The following FGF14 variants were observed in gnomAD, a reference collection of about 807,000 sequenced individuals.
FGF14 encodes the protein fibroblast growth factor homologous factor 4.
FGF14 carries 5 observed loss-of-function variants against 25.5 expected under a neutral mutation model. The ratio of observed to expected loss-of-function variants is 0.20; its 90% CI spans 0.10 to 0.41. FGF14 has a LOEUF of 0.41. Among genes scored for constraint, FGF14 ranks in the 10% least tolerant of loss-of-function variants. The probability of loss-of-function intolerance (pLI) is 1.00; values close to 1 mark genes in which losing one functional copy is unlikely to be tolerated. For missense variants in FGF14, 222 were observed against 320.1 expected (o/e 0.69, Z 2.34); for synonymous variants, 138 against 118.3 (o/e 1.17, Z -1.08).
rs1331898671 is a variant in FGF14, at chr13:101,916,873, C to G, written c.-228G>C. ...CAGATGCGCCCAGGGCGCAGCCGGACGATCCCGGGAAGCCGGACGTCGTGG... is the reference window on the plus strand; with the variant it reads ...CAGATGCGCCCAGGGCGCAGCCGGAGGATCCCGGGAAGCCGGACGTCGTGG... On this transcript the variant is annotated 5_prime_UTR_variant, in exon 1 of 5. Coordinates refer to ENST00000376143, the MANE Select transcript of FGF14 (RefSeq NM_004115.4). 2.0e-5 allele frequency among the ~76,000 whole-genome samples: 3 copies of G among 152,114 alleles called. No homozygotes were observed. The highest frequency in any genetic ancestry group is 4.8e-5 in the African/African-American group (2 of 41,450).
At chr13:102,165,721 G>A (rs891554983) in intron 1 of FGF14, among the ~76,000 whole-genome samples, 1 of 148,516 alleles carries the variant, frequency 6.7e-6, no homozygotes, top group Non-Finnish European at 1.5e-5. Context: ...GCTAAATGAC[G>A]AGTTAATGGG....
At chr13:102,068,306 G>A (rs189021660) in intron 1 of FGF14, among the ~76,000 whole-genome samples, 142 of 152,334 alleles carry the variant, frequency 9.3e-4, no homozygotes, top group African/African-American at 3.1e-3. Flanking sequence ...AGGTGACAGC[G>A]TGCTGGCAGT....
chr13:102,146,884 G>T (rs140903297), intron 1 of FGF14, among the ~76,000 whole-genome samples: 3 of 152,168 alleles, frequency 2.0e-5, no homozygotes, highest in African/African-American at 7.2e-5. Context: ...AAAATAACAG[G>T]GCCCATGAGG....
At chr13:101,881,343 C>G (rs1455124477) in intron 1 of FGF14, among the ~76,000 whole-genome samples, 2 of 152,226 alleles carry the variant, frequency 1.3e-5, no homozygotes, top group Non-Finnish European at 2.9e-5. Flanking sequence ...GCTCTCATGG[C>G]CCACACAATC....
At chr13:102,318,637 T>C (rs2056125801) in intron 1 of FGF14, among the ~76,000 whole-genome samples, 1 of 152,170 alleles carries the variant, frequency 6.6e-6, no homozygotes, top group Non-Finnish European at 1.5e-5. Context: ...GTGTATAAAT[T>C]TCCCCTTTGT....
At chr13:102,164,710 G>A (rs1427142143) in intron 1 of FGF14, among the ~76,000 whole-genome samples, 2 of 152,170 alleles carry the variant, frequency 1.3e-5, no homozygotes, top group Non-Finnish European at 2.9e-5. Flanking sequence ...TGGTTCCTCA[G>A]TTTGACTAGT....
chr13:102,060,569 A>G (rs932496445), intron 1 of FGF14, among the ~76,000 whole-genome samples: 2 of 152,230 alleles, frequency 1.3e-5, no homozygotes, highest in African/African-American at 4.8e-5. Context: ...ACACAGTTAT[A>G]TCACTGCTTC....
intron 1 of FGF14, among the ~76,000 whole-genome samples, chr13:102,280,373 A>C (rs1192282262): frequency 6.6e-6 from 1 of 152,200 alleles, no homozygotes; most frequent in Non-Finnish European, 1.5e-5. Flanking sequence ...GTATGACCCA[A>C]GGAAATGTTT....
chr13:101,920,540 C>T (rs111481349), upstream of FGF14, among the ~76,000 whole-genome samples: 2,876 of 152,264 alleles, frequency 0.019, 48 homozygotes, highest in Non-Finnish European at 0.025. Flanking sequence ...ACATCTGGTG[C>T]ACCCTAATTG....
intron 1 of FGF14, among the ~76,000 whole-genome samples, chr13:102,090,752 A>G (rs910684391): frequency 6.6e-6 from 1 of 152,208 alleles, no homozygotes; most frequent in Admixed American, 6.5e-5. Context: ...CCATTCCAAA[A>G]AAAGATCAGT....
In FGF14 at chr13:101,803,685, G is replaced by C. The variant is rs1271795820; in HGVS notation, c.408+65040C>G. On this transcript the variant is annotated intron_variant, in intron 3 of 4. Transcript: ENST00000376143. ...ACTATATAGAACTTAGTAACAGATT[G>C]ACTATATGATCCTGTAGATGTGTCC... Among the ~76,000 whole-genome samples, 6 of 152,148 alleles carry C rather than the reference G, an allele frequency of 3.9e-5. No homozygotes were observed. The South Asian group carries it at 1.0e-3, about 26-fold the overall frequency.
chr13:102,213,686 T>A (rs896434363), intron 1 of FGF14, among the ~76,000 whole-genome samples: 1 of 152,226 alleles, frequency 6.6e-6, no homozygotes, highest in Non-Finnish European at 1.5e-5. Flanking sequence ...CTCAACAATT[T>A]AAATGGAATC....
At chr13:101,796,769 C>T (rs905389621) in intron 3 of FGF14, among the ~76,000 whole-genome samples, 29 of 151,972 alleles carry the variant, frequency 1.9e-4, no homozygotes, top group African/African-American at 6.5e-4. Context: ...ATTCCAGCCT[C>T]CAAAACTGTG....
At chr13:101,788,897 T>TAGAGAGAGAGAGAGAG (rs2040028057) in intron 3 of FGF14, among the ~76,000 whole-genome samples, 1 of 49,674 alleles carries the variant, frequency 2.0e-5, no homozygotes, top group African/African-American at 5.8e-5. Context: ...TATATATATA[T>TAGAGAGAGAGAGAGAG]ATATATATAT....
chr13:102,059,777 G>A (rs1158713205), intron 1 of FGF14, among the ~76,000 whole-genome samples: 1 of 151,844 alleles, frequency 6.6e-6, no homozygotes, highest in Non-Finnish European at 1.5e-5. Flanking sequence ...CTGGAACCCG[G>A]GAGATGGAGG....
At chr13:101,824,575 AT>A (rs2042312581) in intron 3 of FGF14, among the ~76,000 whole-genome samples, 1 of 152,152 alleles carries the variant, frequency 6.6e-6, no homozygotes, top group African/African-American at 2.4e-5. Flanking sequence ...ATGATTTTTG[AT>A]TAAAAAATAT....
chr13:101,982,205 T>C (rs895917936), intron 1 of FGF14, among the ~76,000 whole-genome samples: 11 of 152,130 alleles, frequency 7.2e-5, no homozygotes, highest in African/African-American at 2.7e-4. Context: ...TTGATATAAA[T>C]TGCTCCATCA....
chr13:101,879,421 G>A (rs773485071), intron 1 of FGF14, among the ~76,000 whole-genome samples: 16 of 152,160 alleles, frequency 1.1e-4, no homozygotes, highest in Middle Eastern at 3.4e-3. Flanking sequence ...AAATCAGTCC[G>A]ACTGCCTTCA....
intron 1 of FGF14, among the ~76,000 whole-genome samples, chr13:102,175,861 A>C (rs2048423823): frequency 6.6e-6 from 1 of 152,164 alleles, no homozygotes; most frequent in South Asian, 2.1e-4. Context: ...TTAAAACCAC[A>C]ATGAGATACC....
Sources: allele counts gnomAD v4.1 joint callset (sites outside exome capture counted in the v4.1 genomes callset), GRCh38; gene constraint gnomAD v4.1.1; transcripts MANE v1.5; gene names NCBI Gene and HGNC (gene_info 2026-07-23, HGNC 2026-07-21).